TTC6: variants seen among roughly 807,000 people sequenced by gnomAD.
TTC6 encodes the protein tetratricopeptide repeat domain 6, also known as tetratricopeptide repeat protein 6.
A neutral mutation model predicts 210.4 loss-of-function variants in TTC6; 172 were observed. The observed-to-expected ratio is 0.82, with a 90% CI of 0.72 to 0.93. The LOEUF (loss-of-function observed/expected upper bound fraction) is 0.93, where lower values mean the gene tolerates loss of function less well. TTC6 is among the 40% of genes least tolerant of loss of function. The pLI, the probability that TTC6 is intolerant of heterozygous loss-of-function variation, is 0.00. For synonymous variants in TTC6, 804 were observed against 819.6 expected, an observed-to-expected ratio of 0.98 and a Z score of 0.32; for missense variants, 2,414 against 2,318.1, an observed-to-expected ratio of 1.04 and a Z score of -0.85.
At chr14:37,786,858 G>A (rs747184088) in intron 14 of TTC6, among the ~76,000 whole-genome samples, 1 of 152,188 alleles carries the variant, frequency 6.6e-6, no homozygotes, top group Non-Finnish European at 1.5e-5. Context: ...TCTAAAAATG[G>A]ATATGCTTCA....
intron 14 of TTC6, among the ~76,000 whole-genome samples, chr14:37,782,694 C>T (rs1338773963): frequency 3.9e-5 from 6 of 152,152 alleles, no homozygotes; most frequent in Non-Finnish European, 7.3e-5. Context: ...GAGGGCATCC[C>T]TGTCTTGTGC....
At chr14:37,687,471 G>A (rs935387903) in intron 3 of TTC6, among the ~76,000 whole-genome samples, 1 of 152,132 alleles carries the variant, frequency 6.6e-6, no homozygotes, top group African/African-American at 2.4e-5. Flanking sequence ...GGACTAGGGA[G>A]GCATGCAACC....
intron 10 of TTC6, among the ~76,000 whole-genome samples, chr14:37,741,582 G>A (rs145920118): frequency 1.1e-4 from 16 of 152,120 alleles, no homozygotes; most frequent in African/African-American, 3.4e-4. Flanking sequence ...GAGGCACCGC[G>A]CCTGGCCTTT....
In TTC6 at chr14:37,651,501, C is replaced by T. The variant is rs200167504; in HGVS notation, c.939+28498C>T. The stretch of plus-strand genomic sequence containing the variant: ...TCATTAATGAAAACAATGAATTTTC[C>T]TTTCATAAATATTGTCAAGTACCTT... On this transcript the variant is annotated intron_variant, in intron 1 of 30. Coordinates refer to ENST00000553443, the Ensembl canonical transcript of TTC6. Among the ~76,000 whole-genome samples the T allele has an allele frequency of 9.9e-5, 13 of 130,724 alleles. No homozygotes were observed. In the East Asian group the frequency reaches 2.0e-3, roughly 20 times the overall value. 85.8% of individuals were successfully genotyped at this position (130,724 alleles called of 152,430 possible).
At chr14:37,712,788 A>G (rs1042826773) in intron 5 of TTC6, among the ~76,000 whole-genome samples, 4 of 152,164 alleles carry the variant, frequency 2.6e-5, no homozygotes, top group Non-Finnish European at 4.4e-5. Context: ...TCCCTCCCAC[A>G]ACACATGGGC....
rs75245849 is a variant in TTC6, at chr14:37,787,589, T to C, written c.3388T>C (p.Phe1130Leu). ...AGCGTTGTATTATCGAGGTTGCTTA[T>C]TCAGAAAGAGTAACCCTTTTAGAGC... Residue 1130 changes from phenylalanine to leucine, a missense_variant, in exon 15 of 31, where the codon TTC becomes CTC. By Grantham distance (22) the Phe-to-Leu change is conservative. Transcript: ENST00000553443. 1.1e-4 allele frequency: 167 copies of C among 1,521,832 alleles called. 1 individual carries two copies. The East Asian group carries it at 3.8e-3, about 35-fold the overall frequency. 94.3% of individuals were successfully genotyped at this position (1,521,832 alleles called of 1,614,324 possible).
chr14:37,792,465 G>T, intron 17 of TTC6, 51 bp downstream of exon 19: 1 of 1,368,892 alleles, frequency 7.3e-7, no homozygotes, highest in Non-Finnish European at 9.5e-7. Flanking sequence ...TTAATTTTCT[G>T]GATATTTGTT....
At chr14:37,738,065 G>A (rs995956320) in intron 9 of TTC6, among the ~76,000 whole-genome samples, 1 of 151,590 alleles carries the variant, frequency 6.6e-6, no homozygotes, top group African/African-American at 2.4e-5. Context: ...ACTTATTGAC[G>A]ATGGCTCAAT....
At chr14:37,815,654 A>G (rs964407375) in intron 25 of TTC6, among the ~76,000 whole-genome samples, 2 of 152,132 alleles carry the variant, frequency 1.3e-5, no homozygotes, top group Non-Finnish European at 1.5e-5. Context: ...TGATGGGAGA[A>G]GGGGAGGCAT....
intron 1 of TTC6, among the ~76,000 whole-genome samples, chr14:37,643,262 T>C (rs1408449171): frequency 6.6e-6 from 1 of 152,106 alleles, no homozygotes; most frequent in Non-Finnish European, 1.5e-5. Flanking sequence ...GAGCCGAGAT[T>C]GCACCATTGC....
intron 14 of TTC6, among the ~76,000 whole-genome samples, chr14:37,765,317 C>T (rs1357960894): frequency 2.0e-5 from 3 of 150,620 alleles, no homozygotes; most frequent in Admixed American, 6.7e-5. Context: ...TGCACACCAC[C>T]ACACCTAATT....
chr14:37,795,861 C>A (rs762457966), intron 18 of TTC6, among the ~76,000 whole-genome samples: 3 of 152,056 alleles, frequency 2.0e-5, no homozygotes, highest in Non-Finnish European at 4.4e-5. Context: ...TTATCACTAT[C>A]AAAAATATAA....
intron 1 of TTC6, among the ~76,000 whole-genome samples, chr14:37,642,892 A>G (rs2095694722): frequency 6.6e-6 from 1 of 152,248 alleles, no homozygotes; most frequent in South Asian, 2.1e-4. Context: ...TAATGTATCT[A>G]AACTATGTAA....
chr14:37,696,182 A>G (rs2095814461), intron 3 of TTC6, among the ~76,000 whole-genome samples: 1 of 152,114 alleles, frequency 6.6e-6, no homozygotes, highest in Non-Finnish European at 1.5e-5. Flanking sequence ...TACTTATTCA[A>G]CCATAGCTTT....
chr14:37,676,555 T>C (rs1010362696), intron 1 of TTC6, among the ~76,000 whole-genome samples: 2 of 152,098 alleles, frequency 1.3e-5, no homozygotes, highest in African/African-American at 4.8e-5. Context: ...TGCACAGAAA[T>C]TTTAAATTTG....
intron 1 of TTC6, among the ~76,000 whole-genome samples, chr14:37,649,717 G>A (rs776066309): frequency 5.9e-5 from 9 of 152,166 alleles, no homozygotes; most frequent in African/African-American, 1.7e-4. Flanking sequence ...GGAAACATTG[G>A]TGGATACTTC....
At chr14:37,665,682 G>A (rs1025374906) in intron 1 of TTC6, among the ~76,000 whole-genome samples, 1 of 150,302 alleles carries the variant, frequency 6.7e-6, no homozygotes, top group South Asian at 2.1e-4. Context: ...ATGATGAACT[G>A]GCAAAATTAA....
chr14:37,842,633 CACTG>C (rs1481266010), downstream of TTC6: 1 of 162,320 alleles, frequency 6.2e-6, no homozygotes, highest in African/African-American at 2.4e-5. Flanking sequence ...GAAAAAGTGT[CACTG>C]ACCTTTTCAT....
chr14:37,629,635 A>G (rs1026026995), intron 1 of TTC6, among the ~76,000 whole-genome samples: 5 of 152,174 alleles, frequency 3.3e-5, no homozygotes, highest in Non-Finnish European at 5.9e-5. Context: ...CAGAACTTCC[A>G]ATACTATGTT....
Sources: gnomAD v4.1 joint callset for allele counts (sites outside exome capture counted in the v4.1 genomes callset) on GRCh38, gnomAD v4.1.1 for gene constraint, MANE v1.5 for transcripts, NCBI Gene and HGNC (gene_info 2026-07-23, HGNC 2026-07-21) for gene names.